ARPC5: variants seen among roughly 807,000 people sequenced by gnomAD.
ARPC5 encodes the protein actin related protein 2/3 complex subunit 5, also known as actin-related protein 2/3 complex subunit 5.
ARPC5 carries 5 observed loss-of-function variants against 15.4 expected under a neutral mutation model. The observed-to-expected ratio is 0.32, with a 90% CI of 0.17 to 0.68. The LOEUF is 0.68. Ranked by LOEUF, ARPC5 falls within the 30% of genes least tolerant of loss-of-function variation. The pLI, the probability that ARPC5 is intolerant of heterozygous loss-of-function variation, is 0.71. For synonymous variants in ARPC5, 85 were observed against 72.2 expected, an observed-to-expected ratio of 1.18 and a Z score of -0.90; for missense variants, 138 against 192.8, an observed-to-expected ratio of 0.72 and a Z score of 1.68.
In ARPC5 at chr1:183,623,366, T is replaced by TTA. The variant is rs779712968; in HGVS notation, c.*4165_*4166insTA. On this transcript the variant is annotated 3_prime_UTR_variant, in exon 4 of 4. Coordinates refer to ENST00000359856, the MANE Select transcript of ARPC5 (RefSeq NM_005717.4). ...ATGCTGTGTCCCATGTTGCTTGTGG[T>TTA]TGGATCATCAATGTGGTGAAGTAGC... is the stretch of plus-strand genomic sequence containing the variant. 2.3e-5 allele frequency: 35 copies of TTA among 1,518,066 alleles called. No individual in the cohort carries two copies. In the African/African-American group the frequency reaches 3.9e-4, roughly 17 times the overall value. 94.0% of individuals were successfully genotyped at this position (1,518,066 alleles called of 1,614,324 possible).
chr1:183,633,003 ATTT>A (rs138442122), intron 2 of ARPC5, 76 bp downstream of exon 2: 6 of 1,077,494 alleles, frequency 5.6e-6, no homozygotes, highest in Non-Finnish European at 8.1e-6. Context: ...TAAAATATTG[ATTT>A]TTTTTTGCAA....
At position 183,626,598 on chromosome 1, in the gene ARPC5, T is replaced by C. The variant is rs1649104331; in HGVS notation, c.*934A>G. ...AGATCCCAACTACCCTGAAGAACAC[T>C]GAAGACATTTACGGGGCATATTAAA... On this transcript the variant is annotated 3_prime_UTR_variant, in exon 4 of 4. Coordinates refer to ENST00000359856, the MANE Select transcript of ARPC5 (RefSeq NM_005717.4). The C allele has an allele frequency of 1.3e-5, 2 of 152,650 alleles. No homozygotes were observed. The highest frequency in any genetic ancestry group is 4.8e-5 in the African/African-American group (2 of 41,452). 9.5% of individuals were successfully genotyped at this position (152,650 alleles called of 1,614,324 possible).
Position 183,631,418 on chromosome 1 carries a change from A to G in ARPC5, c.217-781T>C, listed in dbSNP as rs147885177. Reference sequence around the variant, plus strand: ...AAAATGGTAAAACCCTGTCTCTACTAAAAATACAGAAATTATCCAGGCATG... The same window carrying G: ...AAAATGGTAAAACCCTGTCTCTACTGAAAATACAGAAATTATCCAGGCATG... On this transcript the variant is annotated intron_variant, in intron 2 of 3. Transcript: ENST00000359856. 1.5e-3 allele frequency: 233 copies of G among 152,036 alleles called. 7 individuals are homozygous for G. The East Asian group carries it at 0.041, about 27-fold the overall frequency. The allele number at this position is 152,036 out of a possible 1,614,324, so 9.4% of individuals were successfully genotyped here. A position where few individuals can be genotyped will look rare whatever the true frequency, so the allele number is the denominator to read the frequency against.
chr1:183,628,849 G>A (rs1469801147), intron 3 of ARPC5, among the ~76,000 whole-genome samples: 1 of 152,218 alleles, frequency 6.6e-6, no homozygotes, highest in Admixed American at 6.5e-5. Flanking sequence ...GGAAGATGAA[G>A]CTAGACTTGG....
chr1:183,629,446 T>G (rs547603523), intron 3 of ARPC5, among the ~76,000 whole-genome samples: 1 of 152,162 alleles, frequency 6.6e-6, no homozygotes, highest in Non-Finnish European at 1.5e-5. Context: ...CTACCCAAAT[T>G]GGTGCATTTT....
rs549628419 is a variant in ARPC5 at position 183,621,078 on chromosome 1, T to A, written c.*6454A>T. Reference sequence around the variant, plus strand: ...TCATTTACATTAAGAGAAATGCAAATATATGATACCATTTTTAAAACATCA... The same window carrying A: ...TCATTTACATTAAGAGAAATGCAAAAATATGATACCATTTTTAAAACATCA... On this transcript the variant is annotated 3_prime_UTR_variant, in exon 4 of 4. Transcript: ENST00000359856. 31 of 152,276 alleles carry A rather than the reference T, an allele frequency of 2.0e-4. No individual in the cohort carries two copies. Among genetic ancestry groups the A allele is most frequent in the African/African-American group, 7.2e-4 (30 of 41,548 alleles). 9.4% of individuals were successfully genotyped at this position (152,276 alleles called of 1,614,324 possible).
chr1:183,628,172 C>CAA (rs3068220), intron 3 of ARPC5, among the ~76,000 whole-genome samples: 671 of 46,010 alleles, frequency 0.015, 86 homozygotes, highest in African/African-American at 0.022. Flanking sequence ...GACTCCGTCT[C>CAA]AAAAAAAAAA....
chr1:183,627,740 ATTATGCACCAG>A (rs1649147110), intron 3 of ARPC5, 146 bp from the exon 4 acceptor site: 1 of 689,850 alleles, frequency 1.4e-6, no homozygotes, highest in Admixed American at 2.2e-5. Context: ...TTGAGCACCA[ATTATGCACCAG>A]GTACTGTTCT....
rs940194140 is a variant in ARPC5, at chr1:183,621,225, A to G, written c.*6307T>C. The G allele has an allele frequency of 1.3e-5, 2 of 152,228 alleles. No homozygotes were observed. Among genetic ancestry groups the G allele is most frequent in the Admixed American group, 1.3e-4 (2 of 15,284 alleles). 9.4% of individuals were successfully genotyped at this position (152,228 alleles called of 1,614,324 possible). A position where few individuals can be genotyped will look rare whatever the true frequency, so the allele number is the denominator to read the frequency against. On this transcript the variant is annotated 3_prime_UTR_variant, in exon 4 of 4. Transcript: ENST00000359856. The stretch of plus-strand genomic sequence containing the variant: ...ATTGATAAAACCTTTAAGAAAGGCA[A>G]TTTAGCAATATCTCCCTTAAATGCC...
At position 183,621,473 on chromosome 1, in the gene ARPC5, G is replaced by A. The variant is rs928319269; in HGVS notation, c.*6059C>T. The A allele has an allele frequency of 1.3e-5, 2 of 152,210 alleles. No individual in the cohort carries two copies. Among genetic ancestry groups the A allele is most frequent in the Non-Finnish European group, 2.9e-5 (2 of 68,032 alleles). 9.4% of individuals were successfully genotyped at this position (152,210 alleles called of 1,614,324 possible). A position where few individuals can be genotyped will look rare whatever the true frequency, so the allele number is the denominator to read the frequency against. Reference sequence around the variant, plus strand: ...ATAAAAATAAAATTGTTATCGGAAAGTGGTCCCAATCCAGACCCCAAGTGA... The same window carrying A: ...ATAAAAATAAAATTGTTATCGGAAAATGGTCCCAATCCAGACCCCAAGTGA... On this transcript the variant is annotated 3_prime_UTR_variant, in exon 4 of 4. Coordinates refer to ENST00000359856, the MANE Select transcript of ARPC5 (RefSeq NM_005717.4).
chr1:183,622,601 C>G lies in ARPC5; in HGVS notation c.*4931G>C, dbSNP rs1648968996. 1 of 152,208 alleles carries G rather than the reference C, an allele frequency of 6.6e-6. No individual in the cohort carries two copies. Among genetic ancestry groups the G allele is most frequent in the Non-Finnish European group, 1.5e-5 (1 of 68,032 alleles). The allele number at this position is 152,208 out of a possible 1,614,324, so 9.4% of individuals were successfully genotyped here. ...AAACAAGGGGTATTGGGTCACATCT[C>G]TGCTCTTAGAAGGTGATGCCACAGA... On this transcript the variant is annotated 3_prime_UTR_variant, in exon 4 of 4. Transcript: ENST00000359856.
intron 1 of ARPC5, 147 bp downstream of exon 1, chr1:183,635,370 G>A (rs1649443560): frequency 1.0e-6 from 1 of 969,526 alleles, no homozygotes; most frequent in African/African-American, 1.7e-5. Context: ...CCCTCTCAGA[G>A]CGGGCGATCC....
At position 183,635,573 on chromosome 1, in the gene ARPC5, A is replaced by G. The variant is rs1572202152; in HGVS notation, c.87T>C (p.Asp29=). Residue 29 remains aspartate (D), a synonymous_variant, in exon 1 of 4, where the codon GAT becomes GAC. Coordinates refer to ENST00000359856, the MANE Select transcript of ARPC5 (RefSeq NM_005717.4). ...CGGGCCCGGCCTGGCCGTCGCCCCC[A>G]TCTTCTTCGTCCACGAACTTGTTCT... The part of the protein sequence containing the change: ...YDENKFVDEE[D]GGDGQAGPDE... The G allele has an allele frequency of 6.2e-7, 1 of 1,613,448 alleles. No homozygotes were observed. The highest frequency in any genetic ancestry group is 8.5e-7 in the Non-Finnish European group (1 of 1,179,826).
At chr1:183,631,599 A>T (rs1649268816) in intron 2 of ARPC5, 1 of 151,922 alleles carries the variant, frequency 6.6e-6, no homozygotes, top group Non-Finnish European at 1.5e-5. Flanking sequence ...AAAAAAAAAA[A>T]AAAATTCCCA....
intron 2 of ARPC5, chr1:183,631,961 T>C (rs1019398341): frequency 1.3e-5 from 2 of 152,228 alleles, no homozygotes; most frequent in Non-Finnish European, 2.9e-5. Flanking sequence ...TTCTACCACC[T>C]ACTGTTATCT....
Position 183,622,661 on chromosome 1 carries a change from AC to A in ARPC5, c.*4870del, listed in dbSNP as rs1277026543. The stretch of plus-strand genomic sequence containing the variant: ...AGATCATATAAACTCCCATAGTGCC[AC>A]TGTTAGCCAGATATGAGCTGGAATT... On this transcript the variant is annotated 3_prime_UTR_variant, in exon 4 of 4. Coordinates refer to ENST00000359856, the MANE Select transcript of ARPC5 (RefSeq NM_005717.4). 2 of 152,228 alleles carry A rather than the reference AC, an allele frequency of 1.3e-5. No individual in the cohort carries two copies. Among genetic ancestry groups the A allele is most frequent in the Non-Finnish European group, 2.9e-5 (2 of 68,052 alleles). The allele number at this position is 152,228 out of a possible 1,614,324, so 9.4% of individuals were successfully genotyped here. A position where few individuals can be genotyped will look rare whatever the true frequency, so the allele number is the denominator to read the frequency against.
rs1257613032 is a variant in ARPC5, at chr1:183,621,142, T to C, written c.*6390A>G. 2.6e-5 allele frequency: 4 copies of C among 152,130 alleles called. No homozygotes were observed. Among genetic ancestry groups the C allele is most frequent in the African/African-American group, 9.7e-5 (4 of 41,426 alleles). 9.4% of individuals were successfully genotyped at this position (152,130 alleles called of 1,614,324 possible). On this transcript the variant is annotated 3_prime_UTR_variant, in exon 4 of 4. Transcript: ENST00000359856. ...TAAAAAATGTTTTATGACAAACACA[T>C]AGAATAGGTAAAGGGGTGGGAAAAC...
chr1:183,623,885 C>T lies in ARPC5; in HGVS notation c.*3647G>A, dbSNP rs1039117101. The T allele has an allele frequency of 3.8e-5, 8 of 209,998 alleles. No homozygotes were observed. Among genetic ancestry groups the T allele is most frequent in the Admixed American group, 1.6e-4 (3 of 18,588 alleles). 13.0% of individuals were successfully genotyped at this position (209,998 alleles called of 1,614,324 possible). A position where few individuals can be genotyped will look rare whatever the true frequency, so the allele number is the denominator to read the frequency against. Reference sequence around the variant, plus strand: ...TAAAAATACAAAAATTAGCTGGGCACGGTGATGCGTGCCTGTAATCCGAGC... The same window carrying T: ...TAAAAATACAAAAATTAGCTGGGCATGGTGATGCGTGCCTGTAATCCGAGC... On this transcript the variant is annotated 3_prime_UTR_variant, in exon 4 of 4. Coordinates refer to ENST00000359856, the MANE Select transcript of ARPC5 (RefSeq NM_005717.4).
In ARPC5 at chr1:183,627,494, T is replaced by C; in HGVS notation, c.*38A>G. 1 of 1,594,466 alleles carries C rather than the reference T, an allele frequency of 6.3e-7. No individual in the cohort carries two copies. ...GTTGTTTTGGTCTTTGTACCAGCAA[T>C]TCCCACTCCCGAGGCAGATAATCCA... On this transcript the variant is annotated 3_prime_UTR_variant, in exon 4 of 4. Coordinates refer to ENST00000359856, the MANE Select transcript of ARPC5 (RefSeq NM_005717.4).
Sources: gnomAD v4.1 joint callset for allele counts (sites outside exome capture counted in the v4.1 genomes callset) on GRCh38, gnomAD v4.1.1 for gene constraint, MANE v1.5 for transcripts, NCBI Gene and HGNC (gene_info 2026-07-23, HGNC 2026-07-21) for gene names.